INVS: variants seen among roughly 807,000 people sequenced by gnomAD.
The protein encoded by INVS is inversin.
Under a neutral mutation model 108.8 loss-of-function variants are expected in INVS, and 86 were observed. That is an observed-to-expected ratio of 0.79 (90% CI 0.66 to 0.95). The LOEUF (loss-of-function observed/expected upper bound fraction) is 0.95, where lower values mean the gene tolerates loss of function less well. INVS is among the 40% of genes least tolerant of loss of function. The pLI is 0.00. For synonymous variants in INVS, 455 were observed against 473.5 expected (o/e 0.96, Z 0.51); for missense variants, 1,169 against 1,297.4 (o/e 0.90, Z 1.52).
At chr9:100,119,788 G>A (rs1362352975) in intron 2 of INVS, among the ~76,000 whole-genome samples, 1 of 152,138 alleles carries the variant, frequency 6.6e-6, no homozygotes, top group East Asian at 1.9e-4. Context: ...TCAATCTCCT[G>A]ATCTGGTGAT....
At chr9:100,182,447 G>A (rs1235859378) in intron 3 of INVS, among the ~76,000 whole-genome samples, 1 of 152,126 alleles carries the variant, frequency 6.6e-6, no homozygotes, top group Admixed American at 6.6e-5. Flanking sequence ...AGTGGGCGAA[G>A]TATATAAACA....
At chr9:100,230,756 A>G (rs1353660759) in intron 5 of INVS, among the ~76,000 whole-genome samples, 1 of 152,170 alleles carries the variant, frequency 6.6e-6, no homozygotes, top group Non-Finnish European at 1.5e-5. Context: ...TGACCTCGTG[A>G]TCTACCTGCC....
At chr9:100,137,441 G>A (rs148149006) in intron 3 of INVS, among the ~76,000 whole-genome samples, 103 of 152,180 alleles carry the variant, frequency 6.8e-4, no homozygotes, top group African/African-American at 2.4e-3. Context: ...GCATAACAAG[G>A]ACCTTGTTAT....
chr9:100,272,556 G>A (rs1424166947), intron 11 of INVS, among the ~76,000 whole-genome samples: 3 of 152,116 alleles, frequency 2.0e-5, no homozygotes, highest in African/African-American at 7.2e-5. Flanking sequence ...GAATTATTTG[G>A]CACATGGGAA....
At chr9:100,272,743 G>T (rs143879075) in intron 11 of INVS, 121 bp from the exon 12 acceptor site, 4 of 937,964 alleles carry the variant, frequency 4.3e-6, no homozygotes, top group Non-Finnish European at 6.7e-6. Context: ...GGCTTTGCCT[G>T]GGGAATATTC....
At chr9:100,199,122 T>G (rs1830467098) in intron 3 of INVS, among the ~76,000 whole-genome samples, 1 of 152,206 alleles carries the variant, frequency 6.6e-6, no homozygotes, top group Non-Finnish European at 1.5e-5. Context: ...CAGTAAATAT[T>G]TTGAGGGACA....
At chr9:100,101,903 A>G (rs1188036361) in intron 1 of INVS, 1 of 152,148 alleles carries the variant, frequency 6.6e-6, no homozygotes, top group Non-Finnish European at 1.5e-5. Flanking sequence ...CCTTGTAGGC[A>G]TTCAGCTTTG....
chr9:100,224,372 G>A (rs953480448), intron 3 of INVS, among the ~76,000 whole-genome samples: 22 of 152,156 alleles, frequency 1.4e-4, no homozygotes, highest in African/African-American at 3.9e-4. Context: ...AAATAGGCAC[G>A]AAGTAGGCTG....
At chr9:100,252,748 C>T (rs931384308) in intron 9 of INVS, among the ~76,000 whole-genome samples, 159 bp from the exon 10 acceptor site, 4 of 152,150 alleles carry the variant, frequency 2.6e-5, no homozygotes, top group Admixed American at 1.3e-4. Context: ...TATGTGGAAG[C>T]ATTTCCATAA....
In INVS at chr9:100,198,527, G is replaced by GAACTCC. The variant is rs1365165584; in HGVS notation, c.274-27535_274-27534insAACTCC. ...GCTGGTCTCGAACTCCTGACTTCAG[G>GAACTCC]TGATCCGCCCTCCTCAGCCTCCCAA... On this transcript the variant is annotated intron_variant, in intron 3 of 16. Transcript: ENST00000262457. 3.3e-5 allele frequency among the ~76,000 whole-genome samples: 5 copies of GAACTCC among 151,138 alleles called. No individual in the cohort carries two copies. The East Asian group carries it at 9.7e-4, about 29-fold the overall frequency.
rs58650063 is a variant in INVS, at chr9:100,262,638, T to TAAAA, written c.1465-2164_1465-2161dup. On this transcript the variant is annotated intron_variant, in intron 10 of 16. Transcript: ENST00000262457. ...TTTCTTTATTCCTTACCTGGAGCAC[T>TAAAA]AAAAAAAAAAAAAAAAAAAAAAACT... 3.6e-3 allele frequency among the ~76,000 whole-genome samples: 422 copies of TAAAA among 116,460 alleles called. 4 individuals carry two copies. The highest frequency in any genetic ancestry group is 0.013 in the African/African-American group (402 of 29,980). The allele number at this position is 116,460 out of a possible 152,430, so 76.4% of individuals were successfully genotyped here. A position where few individuals can be genotyped will look rare whatever the true frequency, so the allele number is the denominator to read the frequency against.
At chr9:100,280,825 C>T (rs1377502126) in intron 12 of INVS, among the ~76,000 whole-genome samples, 1 of 152,130 alleles carries the variant, frequency 6.6e-6, no homozygotes, top group Non-Finnish European at 1.5e-5. Flanking sequence ...TGGTGGCTCA[C>T]ACCTGTAATC....
intron 3 of INVS, among the ~76,000 whole-genome samples, chr9:100,141,062 ACAGTGTAAACCAG>A (rs1399286470): frequency 2.0e-5 from 3 of 152,178 alleles, no homozygotes; most frequent in South Asian, 4.1e-4. Flanking sequence ...GCTTGGAGAA[ACAGTGTAAACCAG>A]CAGTGTAAAC....
intron 1 of INVS, among the ~76,000 whole-genome samples, chr9:100,100,929 A>ATTATATATG (rs1826933204): frequency 4.1e-5 from 1 of 24,332 alleles, no homozygotes; most frequent in African/African-American, 2.6e-4. Context: ...TATATATATA[A>ATTATATATG]TATATATAAT....
At chr9:100,188,635 CTTTTTTT>C (rs11309021) in intron 3 of INVS, among the ~76,000 whole-genome samples, 3 of 128,246 alleles carry the variant, frequency 2.3e-5, no homozygotes, top group South Asian at 5.1e-4. Flanking sequence ...TAGTTTCTTT[CTTTTTTT>C]TTTTTTTTTG....
chr9:100,251,078 C>G (rs1191049716), intron 8 of INVS, among the ~76,000 whole-genome samples: 2 of 152,198 alleles, frequency 1.3e-5, no homozygotes, highest in African/African-American at 4.8e-5. Flanking sequence ...CTCAGTGATT[C>G]TACATATCAA....
chr9:100,292,676 G>C lies in INVS; in HGVS notation c.2419G>C (p.Gly807Arg). The C allele has an allele frequency of 6.2e-7, 1 of 1,614,148 alleles. No homozygotes were observed. Among genetic ancestry groups the C allele is most frequent in the South Asian group, 1.1e-5 (1 of 91,082 alleles). The change falls in exon 14 of 17, where the codon GGT becomes CGT. Residue 807 changes from glycine to arginine, a missense_variant. Transcript: ENST00000262457. Reference protein sequence around the residue: ...ELRGGRCSPAGSSRPGSARGE... With the variant: ...ELRGGRCSPARSSRPGSARGE... ...CAGAGGAGGAAGGTGCTCTCCGGCTGGTTCTAGCCGCCCTGGCAGTGCCCG... is the reference window on the plus strand; with the variant it reads ...CAGAGGAGGAAGGTGCTCTCCGGCTCGTTCTAGCCGCCCTGGCAGTGCCCG...
chr9:100,141,385 T>C (rs1364417438), intron 3 of INVS, among the ~76,000 whole-genome samples: 2 of 152,096 alleles, frequency 1.3e-5, no homozygotes, highest in African/African-American at 4.8e-5. Context: ...CTACCTTTCC[T>C]GAAGACTGAG....
At chr9:100,259,690 C>CA (rs896221679) in intron 10 of INVS, among the ~76,000 whole-genome samples, 1 of 150,906 alleles carries the variant, frequency 6.6e-6, no homozygotes, top group African/African-American at 2.4e-5. Context: ...CTTGGCCTCT[C>CA]AGGCATCCAC....
Sources: gnomAD v4.1 joint callset for allele counts (sites outside exome capture counted in the v4.1 genomes callset) on GRCh38, gnomAD v4.1.1 for gene constraint, MANE v1.5 for transcripts, NCBI Gene and HGNC (gene_info 2026-07-23, HGNC 2026-07-21) for gene names.